KCNB2: variants seen among roughly 807,000 people sequenced by gnomAD.
KCNB2 encodes potassium voltage-gated channel subfamily B member 2.
A neutral mutation model predicts 61.5 loss-of-function variants in KCNB2; 15 were observed. The observed-to-expected ratio is 0.24, with a 90% confidence interval of 0.16 to 0.38. The LOEUF is 0.38. KCNB2 is among the 10% of genes least tolerant of loss of function. The pLI is 1.00. For missense variants in KCNB2, 828 were observed against 1,125.2 expected (o/e 0.74, Z 3.78); for synonymous variants, 457 against 446.0 (o/e 1.02, Z -0.31).
At chr8:72,645,241 C>A (rs1314754641) in intron 2 of KCNB2, among the ~76,000 whole-genome samples, 1 of 151,978 alleles carries the variant, frequency 6.6e-6, no homozygotes, top group Non-Finnish European at 1.5e-5. Flanking sequence ...CATTCATCCC[C>A]AGGAGATGGC....
chr8:72,604,033 T>C (rs1805408812), intron 2 of KCNB2, among the ~76,000 whole-genome samples: 1 of 152,126 alleles, frequency 6.6e-6, no homozygotes, highest in Non-Finnish European at 1.5e-5. Flanking sequence ...TCCAGAACTG[T>C]GAGAGAATAC....
intron 2 of KCNB2, among the ~76,000 whole-genome samples, chr8:72,615,949 G>A (rs568912572): frequency 9.8e-4 from 149 of 152,282 alleles, no homozygotes; most frequent in African/African-American, 3.4e-3. Flanking sequence ...AGTTTAAGTT[G>A]AGCAGAAAAT....
chr8:72,622,161 A>G (rs566831794), intron 2 of KCNB2, among the ~76,000 whole-genome samples: 5 of 152,354 alleles, frequency 3.3e-5, no homozygotes, highest in Non-Finnish European at 7.3e-5. Context: ...GAATGTACAC[A>G]GAAAATAGAC....
intron 2 of KCNB2, among the ~76,000 whole-genome samples, chr8:72,905,402 C>T (rs4366116): frequency 0.59 from 89,936 of 151,896 alleles, 27,937 homozygotes; most frequent in Middle Eastern, 0.71. Flanking sequence ...CTTGGAAGTG[C>T]AATTGCAGAA....
At position 72,937,634 on chromosome 8, in the gene KCNB2, C is replaced by G; in HGVS notation, c.2279C>G (p.Thr760Ser). The G allele has an allele frequency of 1.2e-6, 2 of 1,614,054 alleles. No homozygotes were observed. Among genetic ancestry groups the G allele is most frequent in the Non-Finnish European group, 8.5e-7 (1 of 1,180,000 alleles). Residue 760 changes from threonine to serine, a missense_variant, in exon 3 of 3, where the codon ACC (threonine) becomes AGC (serine). Transcript: ENST00000523207. ...QHISTILLEE[T>S]PSQGDRPLLG... ...ATCAGTACCATCCTCTTAGAAGAAA[C>G]CCCCTCCCAGGGAGACAGACCCTTG...
At chr8:72,624,034 T>C (rs1450493730) in intron 2 of KCNB2, among the ~76,000 whole-genome samples, 1 of 152,234 alleles carries the variant, frequency 6.6e-6, no homozygotes, top group Non-Finnish European at 1.5e-5. Context: ...AGGTAGCTTA[T>C]CTACAAATCG....
chr8:72,906,073 C>T (rs1487215828), intron 2 of KCNB2, among the ~76,000 whole-genome samples: 1 of 152,150 alleles, frequency 6.6e-6, no homozygotes, highest in Non-Finnish European at 1.5e-5. Flanking sequence ...TCAAGCAGCT[C>T]GAAAGCTGCC....
At chr8:72,863,554 C>T (rs1033739599) in intron 2 of KCNB2, among the ~76,000 whole-genome samples, 2 of 152,240 alleles carry the variant, frequency 1.3e-5, no homozygotes, top group South Asian at 2.1e-4. Flanking sequence ...TGTCTTCCCA[C>T]CTGGGCCTTC....
chr8:72,621,324 T>A (rs1331667586), intron 2 of KCNB2, among the ~76,000 whole-genome samples: 2 of 152,140 alleles, frequency 1.3e-5, no homozygotes, highest in Admixed American at 6.6e-5. Flanking sequence ...CGCAGAAGGA[T>A]CAAATCCCCC....
At chr8:72,787,348 G>A (rs1198654319) in intron 2 of KCNB2, among the ~76,000 whole-genome samples, 1 of 151,962 alleles carries the variant, frequency 6.6e-6, no homozygotes, top group African/African-American at 2.4e-5. Flanking sequence ...AGTAAGCCTT[G>A]ATCATGCCAC....
At chr8:72,548,234 C>T (rs1204717379) in intron 1 of KCNB2, among the ~76,000 whole-genome samples, 2 of 152,050 alleles carry the variant, frequency 1.3e-5, no homozygotes, top group Non-Finnish European at 2.9e-5. Context: ...GCTTTTTTGC[C>T]GTGGTCTGGA....
chr8:72,839,036 A>G (rs1243806459), intron 2 of KCNB2, among the ~76,000 whole-genome samples: 1 of 152,174 alleles, frequency 6.6e-6, no homozygotes, highest in African/African-American at 2.4e-5. Context: ...AACATACACT[A>G]TTTTAAACAA....
At chr8:72,912,035 T>A (rs186476354) in intron 2 of KCNB2, among the ~76,000 whole-genome samples, 1 of 152,326 alleles carries the variant, frequency 6.6e-6, no homozygotes, top group Non-Finnish European at 1.5e-5. Context: ...TGTTTAGTTG[T>A]CACTATTAAA....
intron 2 of KCNB2, among the ~76,000 whole-genome samples, chr8:72,934,618 T>C (rs72653580): frequency 0.051 from 7,811 of 152,116 alleles, 407 homozygotes; most frequent in African/African-American, 0.12. Context: ...GTTTACTAGA[T>C]GCTCAATCTC....
chr8:72,597,129 T>C (rs566235895), intron 2 of KCNB2, among the ~76,000 whole-genome samples: 120 of 147,406 alleles, frequency 8.1e-4, no homozygotes, highest in African/African-American at 2.8e-3. Context: ...GTTCAAGCAA[T>C]TCCTCTGCCT....
chr8:72,871,748 A>C (rs534391072), intron 2 of KCNB2, among the ~76,000 whole-genome samples: 6 of 152,330 alleles, frequency 3.9e-5, no homozygotes, highest in Non-Finnish European at 5.9e-5. Flanking sequence ...AAGGGCTTTC[A>C]AGGTATATGA....
At chr8:72,716,777 A>T (rs1563569101) in intron 2 of KCNB2, among the ~76,000 whole-genome samples, 5 of 151,348 alleles carry the variant, frequency 3.3e-5, no homozygotes, top group Admixed American at 3.3e-4. Context: ...CTCTCTCACC[A>T]CTCCTATTCA....
intron 2 of KCNB2, among the ~76,000 whole-genome samples, chr8:72,691,261 TG>T (rs1377633272): frequency 3.9e-5 from 6 of 152,196 alleles, no homozygotes; most frequent in African/African-American, 1.4e-4. Flanking sequence ...AATGAAGTTG[TG>T]TAACTGTGAG....
chr8:72,610,072 T>C (rs1273509361), intron 2 of KCNB2, among the ~76,000 whole-genome samples: 3 of 152,170 alleles, frequency 2.0e-5, no homozygotes, highest in Non-Finnish European at 4.4e-5. Context: ...AAAAATTTGG[T>C]GACTTTTCTG....
Sources: gnomAD v4.1 joint callset for allele counts (sites outside exome capture counted in the v4.1 genomes callset) on GRCh38, gnomAD v4.1.1 for gene constraint, MANE v1.5 for transcripts, NCBI Gene and HGNC (gene_info 2026-07-23, HGNC 2026-07-21) for gene names.